Variants in DPY19L4 observed in about 807,000 individuals in gnomAD.
The protein encoded by DPY19L4 is dpy-19 like 4.
A neutral mutation model predicts 102.8 loss-of-function variants in DPY19L4; 97 were observed. That is an observed-to-expected ratio of 0.94 (90% CI 0.80 to 1.12). The LOEUF is 1.12. DPY19L4 is among the 50% of genes most tolerant of loss of function. The pLI, the probability that DPY19L4 is intolerant of heterozygous loss-of-function variation, is 0.00. For synonymous variants in DPY19L4, 252 were observed against 283.1 expected (o/e 0.89, Z 1.10); for missense variants, 815 against 850.4 (o/e 0.96, Z 0.52).
At chr8:94,758,570 A>G (rs1812264967) in intron 7 of DPY19L4, among the ~76,000 whole-genome samples, 2 of 152,132 alleles carry the variant, frequency 1.3e-5, no homozygotes, top group African/African-American at 4.8e-5. Flanking sequence ...CTCTATCACT[A>G]TAATTTTGTC....
intron 2 of DPY19L4, among the ~76,000 whole-genome samples, chr8:94,731,347 A>G (rs1021603452): frequency 6.6e-6 from 1 of 152,174 alleles, no homozygotes; most frequent in African/African-American, 2.4e-5. Context: ...AGTAATAGCA[A>G]ATATTTGCTG....
chr8:94,769,063 T>G (rs190012267), intron 12 of DPY19L4, among the ~76,000 whole-genome samples: 23,885 of 138,368 alleles, frequency 0.17, 2,167 homozygotes, highest in Admixed American at 0.23. Flanking sequence ...AGTTTTTTTG[T>G]TTTTTTTTTT....
rs1355412578 is a variant in DPY19L4, at chr8:94,792,224, T to A, written c.*2314T>A. 6.6e-6 allele frequency: 1 copy of A among 151,958 alleles called. No homozygotes were observed. Among genetic ancestry groups the A allele is most frequent in the Non-Finnish European group, 1.5e-5 (1 of 67,992 alleles). 9.4% of individuals were successfully genotyped at this position (151,958 alleles called of 1,614,324 possible). A position where few individuals can be genotyped will look rare whatever the true frequency, so the allele number is the denominator to read the frequency against. On this transcript the variant is annotated 3_prime_UTR_variant, in exon 19 of 19. Transcript: ENST00000414645. Reference sequence around the variant, plus strand: ...ACTGATACAAGTGCCTTGAATTTATTATTATTATTATTTTTTATTTTTTTG... The same window carrying A: ...ACTGATACAAGTGCCTTGAATTTATAATTATTATTATTTTTTATTTTTTTG...
At chr8:94,768,707 G>A (rs1812787378) in intron 12 of DPY19L4, among the ~76,000 whole-genome samples, 154 bp downstream of exon 12, 1 of 152,022 alleles carries the variant, frequency 6.6e-6, no homozygotes, top group African/African-American at 2.4e-5. Context: ...ATTATAAGAT[G>A]TGTTGGCCAG....
At chr8:94,749,897 T>C (rs1811843446) in intron 6 of DPY19L4, among the ~76,000 whole-genome samples, 1 of 152,242 alleles carries the variant, frequency 6.6e-6, no homozygotes, top group South Asian at 2.1e-4. Context: ...AAATTTCAGA[T>C]GGATTAATGA....
At chr8:94,781,348 G>C (rs1813424378) in intron 16 of DPY19L4, among the ~76,000 whole-genome samples, 182 bp downstream of exon 16, 1 of 152,010 alleles carries the variant, frequency 6.6e-6, no homozygotes, top group Non-Finnish European at 1.5e-5. Flanking sequence ...TCATCTCCAT[G>C]GGCTTGAAAA....
chr8:94,727,359 C>T (rs1181433887), intron 2 of DPY19L4, among the ~76,000 whole-genome samples: 1 of 152,156 alleles, frequency 6.6e-6, no homozygotes, highest in Non-Finnish European at 1.5e-5. Flanking sequence ...TCAGCCTCCT[C>T]AGTAGCTGGA....
intron 13 of DPY19L4, among the ~76,000 whole-genome samples, chr8:94,775,106 A>G (rs750539052): frequency 5.3e-5 from 8 of 152,154 alleles, no homozygotes; most frequent in Non-Finnish European, 1.2e-4. Context: ...TGAAAAAACT[A>G]TGCATGTATT....
rs765458978 is a variant in DPY19L4 at position 94,748,621 on chromosome 8, A to AATG, written c.612-7401_612-7399dup. On this transcript the variant is annotated intron_variant, in intron 6 of 18. Transcript: ENST00000414645. The stretch of plus-strand genomic sequence containing the variant: ...GAGTGGCAGCAGCAGCAGCAGTGAC[A>AATG]ATGATGATGATGATGACGATGATGA... 4.1e-3 allele frequency among the ~76,000 whole-genome samples: 626 copies of AATG among 151,702 alleles called. 5 individuals carry two copies. The highest frequency in any genetic ancestry group is 0.014 in the African/African-American group (584 of 41,094).
At position 94,755,863 on chromosome 8, in the gene DPY19L4, C is replaced by T. The variant is rs184952946; in HGVS notation, c.612-173C>T. 2.6e-4 allele frequency among the ~76,000 whole-genome samples: 40 copies of T among 151,042 alleles called. 1 individual carries two copies. The highest frequency in any genetic ancestry group is 7.5e-4 in the African/African-American group (31 of 41,078). On this transcript the variant is annotated intron_variant, in intron 6 of 18. Transcript: ENST00000414645. ...TCGTGCCACTGCACTCCAGCCTAGACGACAGAGCGAGACTCCATCTCAAAA... is the reference window on the plus strand; with the variant it reads ...TCGTGCCACTGCACTCCAGCCTAGATGACAGAGCGAGACTCCATCTCAAAA...
At chr8:94,730,236 A>C (rs1045272582) in intron 2 of DPY19L4, among the ~76,000 whole-genome samples, 3 of 152,292 alleles carry the variant, frequency 2.0e-5, no homozygotes, top group African/African-American at 4.8e-5. Context: ...TTACAAATGA[A>C]GGGACTGGGG....
intron 14 of DPY19L4, among the ~76,000 whole-genome samples, chr8:94,780,109 CT>C (rs1813364817): frequency 6.6e-6 from 1 of 151,984 alleles, no homozygotes; most frequent in Non-Finnish European, 1.5e-5. Context: ...TGAGCATTAC[CT>C]TTTTAATGTT....
chr8:94,774,940 G>GTTTATC (rs1306318142), intron 13 of DPY19L4, among the ~76,000 whole-genome samples: 2 of 151,886 alleles, frequency 1.3e-5, no homozygotes, highest in East Asian at 3.9e-4. Flanking sequence ...ATCCTGTAGT[G>GTTTATC]TTTATCTTTT....
chr8:94,768,317 G>T, intron 11 of DPY19L4, 78 bp from the exon 12 acceptor site: 1 of 1,148,208 alleles, frequency 8.7e-7, no homozygotes. Context: ...CTTAGTTTTT[G>T]CTGATATTAA....
chr8:94,760,350 C>T (rs1048954607), intron 7 of DPY19L4, among the ~76,000 whole-genome samples: 1 of 152,168 alleles, frequency 6.6e-6, no homozygotes, highest in African/African-American at 2.4e-5. Flanking sequence ...CTGGTTATTA[C>T]AGTTCTGTTT....
chr8:94,777,065 T>A (rs1276453123), intron 13 of DPY19L4, among the ~76,000 whole-genome samples: 1 of 152,130 alleles, frequency 6.6e-6, no homozygotes, highest in African/African-American at 2.4e-5. Context: ...TTAGAGTTTT[T>A]TTGTTTTGTT....
intron 6 of DPY19L4, among the ~76,000 whole-genome samples, chr8:94,743,097 G>A (rs1160058667): frequency 2.6e-5 from 4 of 151,592 alleles, no homozygotes; most frequent in South Asian, 4.2e-4. Context: ...GCACAATCTC[G>A]GCTCACTGCA....
Position 94,768,378 on chromosome 8 carries a change from C to CT in DPY19L4, c.1176-12dup, listed in dbSNP as rs760729190. The CT allele has an allele frequency of 9.3e-5, 147 of 1,576,678 alleles. No individual in the cohort carries two copies. The African/African-American group carries it at 1.7e-3, about 18-fold the overall frequency. On this transcript the variant is annotated splice_polypyrimidine_tract_variant and intron_variant, in intron 11 of 18. Coordinates refer to ENST00000414645, the MANE Select transcript of DPY19L4 (RefSeq NM_181787.3). ...AAACGTCTATGAATTTAATATCATA[C>CT]TTTTTGTCTTCTATAGGAATTTTAC... is the stretch of plus-strand genomic sequence containing the variant.
At chr8:94,732,129 T>C (rs1365606721) in intron 2 of DPY19L4, among the ~76,000 whole-genome samples, 1 of 150,986 alleles carries the variant, frequency 6.6e-6, no homozygotes, top group Non-Finnish European at 1.5e-5. Context: ...AATTAGTTAC[T>C]CTATACTAGT....
Sources: allele counts gnomAD v4.1 joint callset (sites outside exome capture counted in the v4.1 genomes callset), GRCh38; gene constraint gnomAD v4.1.1; transcripts MANE v1.5; gene names NCBI Gene and HGNC (gene_info 2026-07-23, HGNC 2026-07-21).